Variants in TRHDE observed in about 807,000 individuals in gnomAD.
TRHDE encodes the protein thyrotropin-releasing hormone-degrading ectoenzyme.
In TRHDE, 72 loss-of-function variants were observed where a neutral mutation model predicts 125.7. The observed-to-expected ratio is 0.57, with a 90% CI of 0.47 to 0.70. TRHDE has a LOEUF of 0.70. Ranked by LOEUF, TRHDE falls within the 30% of genes least tolerant of loss-of-function variation. The pLI, the probability that TRHDE is intolerant of heterozygous loss-of-function variation, is 0.00. For missense variants in TRHDE, 1,110 were observed against 1,327.1 expected, an observed-to-expected ratio of 0.84 and a Z score of 2.54; for synonymous variants, 509 against 509.1, an observed-to-expected ratio of 1.00 and a Z score of 0.00.
chr12:72,490,862 C>T (rs1423630788), intron 5 of TRHDE, among the ~76,000 whole-genome samples: 2 of 149,106 alleles, frequency 1.3e-5, no homozygotes, highest in Non-Finnish European at 3.0e-5. Context: ...TAAGAGGATA[C>T]AAATTAAGTT....
At chr12:72,473,767 G>C (rs1031368924) in intron 5 of TRHDE, among the ~76,000 whole-genome samples, 4 of 151,956 alleles carry the variant, frequency 2.6e-5, no homozygotes, top group African/African-American at 9.7e-5. Context: ...TAGAGGGAGG[G>C]TGTAGTTTTG....
chr12:72,542,482 G>A (rs1869203590), intron 7 of TRHDE, 126 bp downstream of exon 7: 1 of 641,308 alleles, frequency 1.6e-6, no homozygotes, highest in Non-Finnish European at 2.5e-6. Context: ...GTTAAGCAAT[G>A]TCTTTCTATA....
intron 6 of TRHDE, among the ~76,000 whole-genome samples, chr12:72,508,292 C>T (rs1246163295): frequency 6.6e-6 from 1 of 152,172 alleles, no homozygotes; most frequent in African/African-American, 2.4e-5. Context: ...ACCTAGAAAG[C>T]CACAAACACT....
chr12:72,498,603 A>T (rs1469148047), intron 5 of TRHDE, among the ~76,000 whole-genome samples: 1 of 152,160 alleles, frequency 6.6e-6, no homozygotes, highest in Non-Finnish European at 1.5e-5. Flanking sequence ...GGAGGCCAGG[A>T]AGACTACTAG....
At chr12:72,150,381 G>A (rs1258187374) in intron 2 of TRHDE, among the ~76,000 whole-genome samples, 1 of 151,740 alleles carries the variant, frequency 6.6e-6, no homozygotes, top group Non-Finnish European at 1.5e-5. Context: ...AAGAACAAAA[G>A]TATGGGTAGT....
intron 3 of TRHDE, among the ~76,000 whole-genome samples, chr12:72,457,502 A>T (rs1288018826): frequency 6.6e-6 from 1 of 152,134 alleles, no homozygotes; most frequent in African/African-American, 2.4e-5. Context: ...AATATTAAGT[A>T]ATACTACGCA....
intron 9 of TRHDE, among the ~76,000 whole-genome samples, chr12:72,565,585 A>G (rs7955512): frequency 0.27 from 40,461 of 152,024 alleles, 8,126 homozygotes; most frequent in African/African-American, 0.54. Flanking sequence ...GGAGCTTCTC[A>G]GCGTTCTTTG....
intron 5 of TRHDE, among the ~76,000 whole-genome samples, chr12:72,492,669 T>G (rs555318436): frequency 6.6e-6 from 1 of 152,034 alleles, no homozygotes; most frequent in East Asian, 1.9e-4. Context: ...CAGTGCTAAT[T>G]ATGTGTTTAT....
At chr12:72,178,816 T>C (rs1877040683) in intron 2 of TRHDE, among the ~76,000 whole-genome samples, 1 of 152,106 alleles carries the variant, frequency 6.6e-6, no homozygotes, top group Non-Finnish European at 1.5e-5. Flanking sequence ...AGAACAGATT[T>C]ATCTGAACTG....
intron 3 of TRHDE, among the ~76,000 whole-genome samples, chr12:72,388,127 C>T (rs1448910572): frequency 6.6e-6 from 1 of 152,052 alleles, no homozygotes; most frequent in Admixed American, 6.6e-5. Flanking sequence ...CAAACCCATT[C>T]CAACCCAAGG....
At chr12:72,446,250 C>T (rs1875278278) in intron 3 of TRHDE, among the ~76,000 whole-genome samples, 2 of 151,226 alleles carry the variant, frequency 1.3e-5, no homozygotes, top group South Asian at 4.2e-4. Flanking sequence ...GTGCTGCACC[C>T]ATTAACTTGT....
intron 2 of TRHDE, among the ~76,000 whole-genome samples, chr12:72,335,167 G>A (rs1869774341): frequency 6.6e-6 from 1 of 152,128 alleles, no homozygotes; most frequent in African/African-American, 2.4e-5. Flanking sequence ...TGGATGCTGA[G>A]GCAACATAAA....
At chr12:72,602,704 C>G (rs1872257245) in intron 12 of TRHDE, among the ~76,000 whole-genome samples, 1 of 152,188 alleles carries the variant, frequency 6.6e-6, no homozygotes, top group African/African-American at 2.4e-5. Flanking sequence ...CAGGGTTGAA[C>G]TGTGAATCAC....
intron 2 of TRHDE, among the ~76,000 whole-genome samples, chr12:72,364,240 A>G (rs1283195567): frequency 2.0e-5 from 3 of 152,038 alleles, no homozygotes; most frequent in Admixed American, 2.0e-4. Flanking sequence ...AGGTATGAGA[A>G]CTGATACAAT....
At chr12:72,427,510 G>A (rs780026864) in intron 3 of TRHDE, among the ~76,000 whole-genome samples, 6 of 152,024 alleles carry the variant, frequency 3.9e-5, no homozygotes, top group African/African-American at 7.2e-5. Flanking sequence ...TCTCAATACC[G>A]TCTCCCTCTA....
intron 2 of TRHDE, among the ~76,000 whole-genome samples, chr12:72,139,829 C>G (rs1333672180): frequency 1.3e-5 from 2 of 152,150 alleles, no homozygotes; most frequent in African/African-American, 4.8e-5. Flanking sequence ...ACCTGAAACA[C>G]TAGTTCTGGT....
chr12:72,139,652 G>A (rs560400399), intron 2 of TRHDE, among the ~76,000 whole-genome samples: 6 of 152,268 alleles, frequency 3.9e-5, no homozygotes, highest in South Asian at 2.1e-4. Context: ...TGTACTTTGC[G>A]CCAAGTAAGC....
Position 72,284,101 on chromosome 12 carries a change from C to G in TRHDE, c.915-2580C>G, listed in dbSNP as rs533432040. On this transcript the variant is annotated intron_variant, in intron 1 of 18. Transcript: ENST00000261180. ...ACTAACATGATGCTCAAAGGAAATG[C>G]TTATTGGAACGTTTTTTATTAGGAT... 2.6e-5 allele frequency among the ~76,000 whole-genome samples: 4 copies of G among 152,128 alleles called. No individual in the cohort carries two copies. The East Asian group carries it at 7.7e-4, about 29-fold the overall frequency.
chr12:72,391,503 T>G (rs1872609443), intron 3 of TRHDE, among the ~76,000 whole-genome samples: 1 of 152,200 alleles, frequency 6.6e-6, no homozygotes, highest in Non-Finnish European at 1.5e-5. Flanking sequence ...GCTTTATTTT[T>G]TTTCCTTATG....
Sources: allele counts gnomAD v4.1 joint callset (sites outside exome capture counted in the v4.1 genomes callset), GRCh38; gene constraint gnomAD v4.1.1; transcripts MANE v1.5; gene names NCBI Gene and HGNC (gene_info 2026-07-23, HGNC 2026-07-21).